CEP112: variants seen among roughly 807,000 people sequenced by gnomAD.
The protein encoded by CEP112 is centrosomal protein 112, also known as centrosomal protein of 112 kDa.
CEP112 carries 127 observed loss-of-function variants against 153.0 expected under a neutral mutation model. The ratio of observed to expected loss-of-function variants is 0.83; its 90% CI spans 0.72 to 0.96. The LOEUF (loss-of-function observed/expected upper bound fraction) is 0.96. Ranked by LOEUF, CEP112 falls within the 40% of genes least tolerant of loss-of-function variation. CEP112 has a pLI of 0.00. For synonymous variants in CEP112, 358 were observed against 374.4 expected (o/e 0.96, Z 0.51); for missense variants, 1,089 against 1,101.2 (o/e 0.99, Z 0.16).
intron 11 of CEP112, among the ~76,000 whole-genome samples, chr17:66,062,264 TTATAATAAAAATGGACAA>T (rs762440566): frequency 9.9e-5 from 15 of 152,244 alleles, no homozygotes; most frequent in South Asian, 6.2e-4. Context: ...TATGGTTTAT[TTATAATAAAAATGGACAA>T]TATAATAAAA....
intron 10 of CEP112, 148 bp downstream of exon 10, chr17:66,066,630 A>C (rs1366701009): frequency 2.5e-5 from 12 of 476,108 alleles, no homozygotes; most frequent in Non-Finnish European, 3.9e-5. Flanking sequence ...CTTCATATGG[A>C]AGCCTATATA....
chr17:65,852,005 G>A lies in CEP112; in HGVS notation c.2193C>T (p.His731=). Residue 731 remains histidine (H), a synonymous_variant, in exon 21 of 27, where the codon CAC becomes CAT. Coordinates refer to ENST00000535342, the MANE Select transcript of CEP112 (RefSeq NM_001199165.4). ...QVIADMEAQV[H]KLREELINVN... ...CATTGATCAATTCTTCTCTCAACTT[G>A]TGAACCTGGGCCTCCATGTCGGCAA... 1.2e-6 allele frequency: 2 copies of A among 1,612,172 alleles called. No individual in the cohort carries two copies. The highest frequency in any genetic ancestry group is 1.7e-6 in the Non-Finnish European group (2 of 1,179,602).
intron 17 of CEP112, among the ~76,000 whole-genome samples, chr17:65,988,459 T>C (rs1453859285): frequency 6.6e-6 from 1 of 152,242 alleles, no homozygotes; most frequent in African/African-American, 2.4e-5. Context: ...TATGAAATGA[T>C]ATGTGAACTC....
intron 21 of CEP112, among the ~76,000 whole-genome samples, chr17:65,758,895 CATCTTGAAT>C (rs1437552244): frequency 1.3e-5 from 2 of 152,136 alleles, no homozygotes; most frequent in Non-Finnish European, 2.9e-5. Context: ...AGAGCAACTC[CATCTTGAAT>C]AGGGGATGGG....
At chr17:65,711,222 A>G (rs985970925) in intron 23 of CEP112, among the ~76,000 whole-genome samples, 1 of 152,218 alleles carries the variant, frequency 6.6e-6, no homozygotes, top group South Asian at 2.1e-4. Context: ...TCATTAGTCT[A>G]GTGGTGAAAC....
chr17:65,751,290 G>T (rs151124507), intron 21 of CEP112, among the ~76,000 whole-genome samples: 1 of 152,138 alleles, frequency 6.6e-6, no homozygotes, highest in African/African-American at 2.4e-5. Context: ...TGGAAATAGG[G>T]TGGCCTTTCC....
chr17:65,865,379 A>G (rs1282074073), intron 20 of CEP112, among the ~76,000 whole-genome samples: 4 of 152,166 alleles, frequency 2.6e-5, no homozygotes, highest in Admixed American at 6.5e-5. Context: ...TGGCTCGTAT[A>G]TAAGTGAGAT....
intron 18 of CEP112, among the ~76,000 whole-genome samples, chr17:65,945,408 A>C (rs925725050): frequency 5.9e-5 from 9 of 152,222 alleles, no homozygotes; most frequent in Non-Finnish European, 1.3e-4. Flanking sequence ...GTAGGTGCAG[A>C]ATAGCTGAGA....
intron 17 of CEP112, among the ~76,000 whole-genome samples, chr17:65,974,233 C>T (rs1227534696): frequency 1.4e-5 from 2 of 144,746 alleles, no homozygotes; most frequent in East Asian, 1.9e-4. Flanking sequence ...CACACCACCA[C>T]GCCAGTTAAT....
intron 21 of CEP112, among the ~76,000 whole-genome samples, chr17:65,797,520 C>A (rs1395386038): frequency 7.2e-5 from 11 of 152,196 alleles, no homozygotes; most frequent in African/African-American, 2.7e-4. Flanking sequence ...ATCCTATCTG[C>A]AAATTCAGCT....
rs1378607953 is a variant in CEP112 at position 66,191,728 on chromosome 17, C to G, written c.-9+269G>C. On this transcript the variant is annotated intron_variant, in intron 1 of 26. Transcript: ENST00000535342. This position sits in a 1 kb window ranked among gnomAD's most constrained non-coding sequence, Gnocchi z 4.2. ...GTCAGACTCTTGGACCACGTCAGACCGATCAAACCGGCTGATCAAACTTTA... is the reference window on the plus strand; with the variant it reads ...GTCAGACTCTTGGACCACGTCAGACGGATCAAACCGGCTGATCAAACTTTA... The G allele has an allele frequency of 6.5e-6, 1 of 152,752 alleles. No individual in the cohort carries two copies. Among genetic ancestry groups the G allele is most frequent in the Non-Finnish European group, 1.5e-5 (1 of 68,098 alleles). The allele number at this position is 152,752 out of a possible 1,614,324, so 9.5% of individuals were successfully genotyped here. A position where few individuals can be genotyped will look rare whatever the true frequency, so the allele number is the denominator to read the frequency against.
intron 24 of CEP112, among the ~76,000 whole-genome samples, chr17:65,651,793 C>A (rs1272511623): frequency 6.6e-6 from 1 of 152,040 alleles, no homozygotes; most frequent in African/African-American, 2.4e-5. Context: ...CTCCACCTCC[C>A]AGGTTCAAGT....
chr17:65,639,477 ACCAGCCTGG>A (rs377352411), intron 25 of CEP112, among the ~76,000 whole-genome samples: 176 of 152,072 alleles, frequency 1.2e-3, no homozygotes, highest in Non-Finnish European at 2.1e-3. Flanking sequence ...GGAGTTCGAG[ACCAGCCTGG>A]CCAAGATAGC....
chr17:66,095,927 T>G (rs1168338056), intron 8 of CEP112, among the ~76,000 whole-genome samples: 1 of 151,904 alleles, frequency 6.6e-6, no homozygotes, highest in Non-Finnish European at 1.5e-5. Context: ...AAAAAAAATT[T>G]TAATTAGCTG....
At chr17:65,916,489 T>C (rs2060496641) in intron 19 of CEP112, among the ~76,000 whole-genome samples, 1 of 152,202 alleles carries the variant, frequency 6.6e-6, no homozygotes, top group Non-Finnish European at 1.5e-5. Flanking sequence ...TTAATGTACT[T>C]AAAGAAGGAA....
intron 4 of CEP112, among the ~76,000 whole-genome samples, chr17:66,167,205 A>G (rs542393256): frequency 6.6e-6 from 1 of 152,294 alleles, no homozygotes; most frequent in African/African-American, 2.4e-5. Flanking sequence ...AGACTTTAAG[A>G]TAATACCCTT....
At chr17:65,855,903 A>G (rs1352986285) in intron 20 of CEP112, among the ~76,000 whole-genome samples, 1 of 152,068 alleles carries the variant, frequency 6.6e-6, no homozygotes, top group African/African-American at 2.4e-5. Context: ...TTCTCTACAG[A>G]TAATACAGAA....
chr17:66,087,201 A>G lies in CEP112; in HGVS notation c.768+9050T>C, dbSNP rs55667252. ...TAAAGTCAAACACATTTAAAAATGA[A>G]TTTCTGATGCAATGCATGATAGCTT... On this transcript the variant is annotated intron_variant, in intron 8 of 26. Coordinates refer to ENST00000535342, the MANE Select transcript of CEP112 (RefSeq NM_001199165.4). Among the ~76,000 whole-genome samples, 476 of 152,328 alleles carry G rather than the reference A, an allele frequency of 3.1e-3. 2 individuals are homozygous for G. The highest frequency in any genetic ancestry group is 5.6e-3 in the Non-Finnish European group (382 of 68,024).
At chr17:65,717,915 A>G (rs963096469) in intron 23 of CEP112, among the ~76,000 whole-genome samples, 1 of 152,120 alleles carries the variant, frequency 6.6e-6, no homozygotes, top group Non-Finnish European at 1.5e-5. Flanking sequence ...TGGTGGGCTC[A>G]CTCATTAAAA....
Sources: allele counts gnomAD v4.1 joint callset (sites outside exome capture counted in the v4.1 genomes callset), GRCh38; gene constraint gnomAD v4.1.1; non-coding constraint Gnocchi (gnomAD v3.1); transcripts MANE v1.5; gene names NCBI Gene and HGNC (gene_info 2026-07-23, HGNC 2026-07-21).